Variants in UNC79 observed in about 807,000 individuals in gnomAD.
The protein encoded by UNC79 is protein unc-79 homolog.
A neutral mutation model predicts 283.1 loss-of-function variants in UNC79; 37 were observed. That is an observed-to-expected ratio of 0.13 (90% CI 0.10 to 0.17). The LOEUF (loss-of-function observed/expected upper bound fraction) is 0.17, where lower values mean the gene tolerates loss of function less well. UNC79 is among the 10% of genes least tolerant of loss of function. The probability of loss-of-function intolerance (pLI) is 1.00; values close to 1 mark genes in which losing one functional copy is unlikely to be tolerated. For synonymous variants in UNC79, 1,107 were observed against 1,200.2 expected, an observed-to-expected ratio of 0.92 and a Z score of 1.61; for missense variants, 2,272 against 3,211.1, an observed-to-expected ratio of 0.71 and a Z score of 7.07.
chr14:93,521,683 A>T (rs564887290), intron 7 of UNC79, among the ~76,000 whole-genome samples: 2 of 151,274 alleles, frequency 1.3e-5, no homozygotes, highest in South Asian at 4.2e-4. Flanking sequence ...CTAGTTGTTT[A>T]TGGTGGGAAG....
At chr14:93,620,284 C>T (rs951232786) in intron 29 of UNC79, among the ~76,000 whole-genome samples, 14 of 152,230 alleles carry the variant, frequency 9.2e-5, no homozygotes, top group African/African-American at 2.2e-4. Flanking sequence ...CATAATCATT[C>T]GTGGAGCTTT....
chr14:93,673,461 C>G lies in UNC79; in HGVS notation c.6741+6C>G. On this transcript the variant is annotated splice_donor_region_variant and intron_variant, in intron 41 of 48. Transcript: ENST00000555664. ...ACCTTCTTCTGCTTGTTCAGGTAAG[C>G]TCATGCTTGATTTGTAAAACTTTTC... The G allele has an allele frequency of 6.2e-7, 1 of 1,609,242 alleles. No individual in the cohort carries two copies. The highest frequency in any genetic ancestry group is 8.5e-7 in the Non-Finnish European group (1 of 1,178,612).
intron 7 of UNC79, among the ~76,000 whole-genome samples, chr14:93,518,016 T>G (rs1292111644): frequency 6.6e-6 from 1 of 152,020 alleles, no homozygotes; most frequent in East Asian, 1.9e-4. Context: ...ATTTTCTAAG[T>G]TAAGTGTTCA....
chr14:93,583,111 C>T (rs768112343), intron 20 of UNC79, among the ~76,000 whole-genome samples: 7 of 151,952 alleles, frequency 4.6e-5, no homozygotes, highest in South Asian at 4.2e-4. Flanking sequence ...CACCTGAGGT[C>T]GGGAGTTCAA....
intron 35 of UNC79, among the ~76,000 whole-genome samples, chr14:93,648,566 C>T (rs2069886780): frequency 6.6e-6 from 1 of 151,720 alleles, no homozygotes; most frequent in Non-Finnish European, 1.5e-5. Flanking sequence ...TTGGTTTAAA[C>T]AACTGGGTGG....
intron 7 of UNC79, among the ~76,000 whole-genome samples, chr14:93,517,927 G>C (rs1424872143): frequency 6.6e-6 from 1 of 151,430 alleles, no homozygotes; most frequent in Admixed American, 6.6e-5. Context: ...GTCTGTGTGT[G>C]TGTGTGTGTG....
chr14:93,575,893 G>A (rs1467538085), intron 17 of UNC79, among the ~76,000 whole-genome samples: 1 of 152,140 alleles, frequency 6.6e-6, no homozygotes, highest in African/African-American at 2.4e-5. Context: ...TTCCCCCACT[G>A]TATGCCACAG....
At chr14:93,652,344 C>A (rs957196641) in intron 35 of UNC79, among the ~76,000 whole-genome samples, 3 of 152,160 alleles carry the variant, frequency 2.0e-5, no homozygotes, top group African/African-American at 7.2e-5. Context: ...CAGTCTCAAC[C>A]TCCCTGGCTC....
At chr14:93,397,284 G>T (rs962220638) in intron 1 of UNC79, 1 of 152,178 alleles carries the variant, frequency 6.6e-6, no homozygotes, top group South Asian at 2.1e-4. Flanking sequence ...AATGCCCTGG[G>T]TAAAGCCCTT....
chr14:93,350,714 T>G (rs1309044621), intron 1 of UNC79, among the ~76,000 whole-genome samples: 1 of 151,988 alleles, frequency 6.6e-6, no homozygotes, highest in Non-Finnish European at 1.5e-5. Context: ...ACTTCTTAGA[T>G]TCGTATCTCA....
At chr14:93,543,587 A>G (rs1026050194) in intron 14 of UNC79, among the ~76,000 whole-genome samples, 1 of 151,954 alleles carries the variant, frequency 6.6e-6, no homozygotes, top group African/African-American at 2.4e-5. Flanking sequence ...GGCTGGTCTC[A>G]GACTCTTGGC....
intron 1 of UNC79, among the ~76,000 whole-genome samples, chr14:93,448,364 A>G (rs1046712797): frequency 6.6e-6 from 1 of 151,826 alleles, no homozygotes; most frequent in African/African-American, 2.4e-5. Context: ...TTCTTGCATG[A>G]TTTTTTTATT....
chr14:93,409,801 C>G (rs749405180), intron 1 of UNC79, among the ~76,000 whole-genome samples: 5 of 152,202 alleles, frequency 3.3e-5, no homozygotes, highest in Middle Eastern at 3.2e-3. Context: ...CTCAAAATTA[C>G]TTCATACATT....
intron 1 of UNC79, among the ~76,000 whole-genome samples, chr14:93,457,478 G>A (rs912487724): frequency 1.3e-5 from 2 of 152,172 alleles, no homozygotes; most frequent in African/African-American, 4.8e-5. Flanking sequence ...AAAGAAGTGT[G>A]GATTGCATTC....
intron 1 of UNC79, among the ~76,000 whole-genome samples, chr14:93,394,120 A>G (rs1168174705): frequency 1.3e-5 from 2 of 152,126 alleles, no homozygotes; most frequent in Non-Finnish European, 2.9e-5. Context: ...TGAGGTGGAA[A>G]TAAAAGCTAT....
intron 38 of UNC79, 54 bp from the exon 42 acceptor site, chr14:93,659,139 A>C: frequency 6.9e-7 from 1 of 1,442,478 alleles, no homozygotes; most frequent in South Asian, 1.3e-5. Context: ...ATTTGAAGCA[A>C]AAGTTATATT....
chr14:93,566,800 G>A (rs2062917949), intron 14 of UNC79, among the ~76,000 whole-genome samples: 1 of 151,954 alleles, frequency 6.6e-6, no homozygotes, highest in African/African-American at 2.4e-5. Context: ...ACCATGTCCA[G>A]TAGAGATGGT....
intron 48 of UNC79, among the ~76,000 whole-genome samples, 168 bp from the exon 52 acceptor site, chr14:93,706,536 G>A (rs2075891054): frequency 6.6e-6 from 1 of 152,110 alleles, no homozygotes; most frequent in Non-Finnish European, 1.5e-5. Flanking sequence ...AGAAAACACG[G>A]TGCGATCCCC....
chr14:93,675,274 T>C (rs1182283803), intron 41 of UNC79, among the ~76,000 whole-genome samples: 1 of 152,098 alleles, frequency 6.6e-6, no homozygotes, highest in Non-Finnish European at 1.5e-5. Context: ...GTCTAGACAG[T>C]GTATAAAACA....
Sources: allele counts gnomAD v4.1 joint callset (sites outside exome capture counted in the v4.1 genomes callset), GRCh38; gene constraint gnomAD v4.1.1; transcripts MANE v1.5; gene names NCBI Gene and HGNC (gene_info 2026-07-23, HGNC 2026-07-21).